The following BRINP3 variants were observed in gnomAD, a reference collection of about 807,000 sequenced individuals.
BRINP3 encodes the protein BMP/retinoic acid-inducible neural-specific protein 3.
In BRINP3, 19 loss-of-function variants were observed where a neutral mutation model predicts 71.0. The observed-to-expected ratio is 0.27, with a 90% CI of 0.19 to 0.39. The LOEUF (loss-of-function observed/expected upper bound fraction) is 0.39, where lower values mean the gene tolerates loss of function less well. Ranked by LOEUF, BRINP3 falls within the 10% of genes least tolerant of loss-of-function variation. The pLI is 1.00. For missense variants in BRINP3, 959 were observed against 940.8 expected, an observed-to-expected ratio of 1.02 and a Z score of -0.25; for synonymous variants, 380 against 337.7, an observed-to-expected ratio of 1.13 and a Z score of -1.37.
chr1:190,200,367 G>A (rs1466678545), intron 6 of BRINP3, among the ~76,000 whole-genome samples: 1 of 151,950 alleles, frequency 6.6e-6, no homozygotes. Flanking sequence ...AATTTGAATG[G>A]GAATAGAACA....
At chr1:190,268,971 T>G (rs1311265616) in intron 3 of BRINP3, among the ~76,000 whole-genome samples, 1 of 152,088 alleles carries the variant, frequency 6.6e-6, no homozygotes, top group East Asian at 1.9e-4. Flanking sequence ...AGTAGGAAAA[T>G]TAGTCATGTC....
intron 1 of BRINP3, among the ~76,000 whole-genome samples, chr1:190,461,413 C>T (rs1469966623): frequency 6.6e-6 from 1 of 152,138 alleles, no homozygotes; most frequent in African/African-American, 2.4e-5. Context: ...CATGACCCTA[C>T]AAAGTTGGTT....
At chr1:190,175,800 T>C (rs1415991177) in intron 6 of BRINP3, among the ~76,000 whole-genome samples, 4 of 152,164 alleles carry the variant, frequency 2.6e-5, no homozygotes, top group African/African-American at 9.7e-5. Flanking sequence ...TTTCAGGAGA[T>C]GCTACATTTT....
chr1:190,209,100 C>A (rs2102643412), intron 6 of BRINP3, among the ~76,000 whole-genome samples: 1 of 152,106 alleles, frequency 6.6e-6, no homozygotes, highest in Non-Finnish European at 1.5e-5. Flanking sequence ...CTTAAATTTT[C>A]ATAATGTTAC....
At chr1:190,413,572 C>T (rs1362320756) in intron 2 of BRINP3, among the ~76,000 whole-genome samples, 2 of 152,062 alleles carry the variant, frequency 1.3e-5, no homozygotes, top group African/African-American at 4.8e-5. Context: ...AGGGATGTGG[C>T]CACCATCCAT....
chr1:190,359,762 T>C (rs1264298182), intron 2 of BRINP3, among the ~76,000 whole-genome samples: 3 of 152,120 alleles, frequency 2.0e-5, no homozygotes, highest in African/African-American at 4.8e-5. Flanking sequence ...CTAATTTTAA[T>C]TTATAACCTT....
At chr1:190,293,264 T>C (rs1664005334) in intron 2 of BRINP3, among the ~76,000 whole-genome samples, 1 of 152,146 alleles carries the variant, frequency 6.6e-6, no homozygotes, top group Admixed American at 6.6e-5. Flanking sequence ...TCTTTTTTAA[T>C]TTTTTTATCA....
At chr1:190,341,367 T>C (rs1249079585) in intron 2 of BRINP3, among the ~76,000 whole-genome samples, 1 of 151,926 alleles carries the variant, frequency 6.6e-6, no homozygotes, top group African/African-American at 2.4e-5. Context: ...CATGATAATA[T>C]ATGATGTTTA....
At chr1:190,285,315 G>A (rs925059762) in intron 2 of BRINP3, among the ~76,000 whole-genome samples, 6 of 152,202 alleles carry the variant, frequency 3.9e-5, no homozygotes, top group African/African-American at 1.4e-4. Context: ...GTGGCCATGT[G>A]GCTTACTTTG....
At chr1:190,370,985 G>T (rs908510259) in intron 2 of BRINP3, among the ~76,000 whole-genome samples, 2 of 152,024 alleles carry the variant, frequency 1.3e-5, no homozygotes, top group Admixed American at 1.3e-4. Flanking sequence ...CTTCCTTTGA[G>T]AAATGTCTAT....
At position 190,451,486 on chromosome 1, in the gene BRINP3, C is replaced by T. The variant is rs536693931; in HGVS notation, c.236+3169G>A. Reference sequence around the variant, plus strand: ...AACACAAGGCTCCAGCTTACTAAGGCGCCAAGTGTCCCCCTGTTCTATGCG... The same window carrying T: ...AACACAAGGCTCCAGCTTACTAAGGTGCCAAGTGTCCCCCTGTTCTATGCG... On this transcript the variant is annotated intron_variant, in intron 2 of 7. Transcript: ENST00000367462. Among the ~76,000 whole-genome samples, 150 of 152,236 alleles carry T rather than the reference C, an allele frequency of 9.9e-4. 1 individual carries two copies. In the South Asian group the frequency reaches 0.016, roughly 16 times the overall value.
At chr1:190,204,039 GC>G (rs1369526157) in intron 6 of BRINP3, among the ~76,000 whole-genome samples, 1 of 151,080 alleles carries the variant, frequency 6.6e-6, no homozygotes, top group African/African-American at 2.4e-5. Flanking sequence ...TAAAAATTAA[GC>G]TATTAAAACA....
At chr1:190,371,617 A>G (rs888180089) in intron 2 of BRINP3, among the ~76,000 whole-genome samples, 3 of 152,172 alleles carry the variant, frequency 2.0e-5, no homozygotes, top group African/African-American at 7.2e-5. Context: ...TGACGGCTAC[A>G]GGGGTATTCT....
intron 6 of BRINP3, among the ~76,000 whole-genome samples, chr1:190,165,107 G>A (rs1199387190): frequency 6.6e-6 from 1 of 151,706 alleles, no homozygotes; most frequent in Non-Finnish European, 1.5e-5. Flanking sequence ...CATAAAGGAT[G>A]ATCACAGGGC....
intron 6 of BRINP3, among the ~76,000 whole-genome samples, chr1:190,218,680 T>G (rs973162415): frequency 3.3e-5 from 5 of 152,018 alleles, no homozygotes; most frequent in Admixed American, 6.6e-5. Context: ...AAAACCTATT[T>G]TTCCGGTCTA....
At chr1:190,173,560 A>C (rs887959206) in intron 6 of BRINP3, among the ~76,000 whole-genome samples, 1 of 152,182 alleles carries the variant, frequency 6.6e-6, no homozygotes, top group Non-Finnish European at 1.5e-5. Context: ...TGAAAATGAG[A>C]AATAAAGAGC....
At chr1:190,190,353 T>A (rs1653926088) in intron 6 of BRINP3, among the ~76,000 whole-genome samples, 3 of 152,148 alleles carry the variant, frequency 2.0e-5, no homozygotes, top group African/African-American at 7.2e-5. Context: ...GGAAGGGTGA[T>A]GTGGGTAATG....
At chr1:190,150,907 T>C (rs1656332808) in intron 7 of BRINP3, among the ~76,000 whole-genome samples, 1 of 152,050 alleles carries the variant, frequency 6.6e-6, no homozygotes, top group South Asian at 2.1e-4. Context: ...TAAAGATAAA[T>C]AATTCTGATA....
chr1:190,203,461 A>G (rs12058309), intron 6 of BRINP3, among the ~76,000 whole-genome samples: 2,055 of 143,844 alleles, frequency 0.014, 35 homozygotes, highest in African/African-American at 0.051. Context: ...GTATATATAT[A>G]TGTGTGTGTG....
Sources: gnomAD v4.1 joint callset for allele counts (sites outside exome capture counted in the v4.1 genomes callset) on GRCh38, gnomAD v4.1.1 for gene constraint, MANE v1.5 for transcripts, NCBI Gene and HGNC (gene_info 2026-07-23, HGNC 2026-07-21) for gene names.